Variants in RAI14 observed in about 807,000 individuals in gnomAD.
RAI14 encodes retinoic acid induced 14, also known as ankycorbin.
In RAI14, 45 loss-of-function variants were observed where a neutral mutation model predicts 115.4. The ratio of observed to expected loss-of-function variants is 0.39; its 90% CI spans 0.31 to 0.50. The LOEUF (loss-of-function observed/expected upper bound fraction) is 0.50. RAI14 is among the 20% of genes least tolerant of loss of function. The pLI is 0.85. For missense variants in RAI14, 939 were observed against 1,131.2 expected (o/e 0.83, Z 2.44); for synonymous variants, 371 against 415.4 (o/e 0.89, Z 1.30).
At chr5:34,723,349 C>G (rs974317514) in intron 2 of RAI14, among the ~76,000 whole-genome samples, 3 of 152,124 alleles carry the variant, frequency 2.0e-5, no homozygotes, top group African/African-American at 4.8e-5. Context: ...GGCAGCCTGA[C>G]AGGCTGGAGA....
chr5:34,799,408 G>C (rs1285440920), intron 4 of RAI14, among the ~76,000 whole-genome samples: 1 of 151,408 alleles, frequency 6.6e-6, no homozygotes. Context: ...CCTTCAATCT[G>C]AAGATCCAGT....
chr5:34,675,961 C>G (rs1447513631), intron 1 of RAI14, among the ~76,000 whole-genome samples: 1 of 152,232 alleles, frequency 6.6e-6, no homozygotes, highest in Non-Finnish European at 1.5e-5. Flanking sequence ...ACTTTTTCCA[C>G]AATTACAAAT....
intron 2 of RAI14, among the ~76,000 whole-genome samples, chr5:34,706,946 G>T (rs916554559): frequency 1.3e-5 from 2 of 152,102 alleles, no homozygotes; most frequent in Non-Finnish European, 2.9e-5. Context: ...GCCCTACCCC[G>T]CATCAAATTG....
chr5:34,784,628 A>G (rs2150172171), intron 3 of RAI14, among the ~76,000 whole-genome samples: 1 of 152,358 alleles, frequency 6.6e-6, no homozygotes, highest in East Asian at 1.9e-4. Context: ...ATGTGGAAGA[A>G]AAAACCATTC....
intron 13 of RAI14, among the ~76,000 whole-genome samples, chr5:34,821,116 T>C (rs1013794391): frequency 1.3e-5 from 2 of 152,188 alleles, no homozygotes; most frequent in Non-Finnish European, 2.9e-5. Flanking sequence ...AGCCAAATCA[T>C]AGAGGCCTGA....
chr5:34,780,751 A>G (rs1335718724), intron 3 of RAI14, among the ~76,000 whole-genome samples: 1 of 152,198 alleles, frequency 6.6e-6, no homozygotes, highest in African/African-American at 2.4e-5. Context: ...GAGAAACAGG[A>G]ACACTTTTAC....
chr5:34,717,531 A>AGAGCTTAAGGACAGC (rs1175109022), intron 2 of RAI14, among the ~76,000 whole-genome samples: 6 of 152,326 alleles, frequency 3.9e-5, no homozygotes, highest in Middle Eastern at 6.8e-3. Context: ...CAGTGATTCA[A>AGAGCTTAAGGACAGC]GAGCTTAAGG....
chr5:34,783,310 G>T (rs1327780181), intron 3 of RAI14, among the ~76,000 whole-genome samples: 1 of 152,136 alleles, frequency 6.6e-6, no homozygotes, highest in Non-Finnish European at 1.5e-5. Context: ...ATGACAGTTG[G>T]GGTCCTCCTC....
intron 3 of RAI14, among the ~76,000 whole-genome samples, chr5:34,773,229 C>T (rs1750416647): frequency 6.6e-6 from 1 of 151,890 alleles, no homozygotes; most frequent in Non-Finnish European, 1.5e-5. Flanking sequence ...GAAATTGGAC[C>T]CTCCTCTCTC....
At position 34,725,962 on chromosome 5, in the gene RAI14, C is replaced by CAAAAAAAAAAAAA. The variant is rs199657623; in HGVS notation, c.37-31502_37-31490dup. Among the ~76,000 whole-genome samples, 6 of 113,744 alleles carry CAAAAAAAAAAAAA rather than the reference C, an allele frequency of 5.3e-5. 2 individuals are homozygous for CAAAAAAAAAAAAA. Among genetic ancestry groups the CAAAAAAAAAAAAA allele is most frequent in the African/African-American group, 3.0e-5 (1 of 33,024 alleles). The allele number at this position is 113,744 out of a possible 152,430, so 74.6% of individuals were successfully genotyped here. A position where few individuals can be genotyped will look rare whatever the true frequency, so the allele number is the denominator to read the frequency against. On this transcript the variant is annotated intron_variant, in intron 2 of 17. Transcript: ENST00000265109. ...GGGCAACAGGAGCGAAACTGCTTCT[C>CAAAAAAAAAAAAA]AAAAAAAAAAAAAAAAGCCACAAAT...
Position 34,824,209 on chromosome 5 carries a change from T to A in RAI14, c.2367T>A (p.Tyr789Ter). The change falls in exon 15 of 18, where the codon TAT becomes TAA. Residue 789 changes from tyrosine (Y) to a stop codon, truncating the protein, a stop_gained. Coordinates refer to ENST00000265109, the MANE Select transcript of RAI14 (RefSeq NM_015577.3). LOFTEE classifies it high-confidence loss of function. ...MTDAMVPRSS[Y>*]EKLQSSLESE... is the part of the protein sequence containing the mutation. ...ATGCAATGGTACCTCGGTCTTCCTA[T>A]GAAAAACTCCAGTCATCCTTAGAGA... is the stretch of plus-strand genomic sequence containing the variant. The A allele has an allele frequency of 6.2e-7, 1 of 1,614,172 alleles. No homozygotes were observed. The highest frequency in any genetic ancestry group is 8.5e-7 in the Non-Finnish European group (1 of 1,180,024).
intron 2 of RAI14, among the ~76,000 whole-genome samples, chr5:34,705,845 C>G (rs1216320845): frequency 6.6e-6 from 1 of 152,154 alleles, no homozygotes; most frequent in Non-Finnish European, 1.5e-5. Context: ...TGGGGTTTCT[C>G]CATGTTGGTC....
intron 2 of RAI14, among the ~76,000 whole-genome samples, chr5:34,744,399 C>A (rs1158254828): frequency 6.6e-6 from 1 of 151,944 alleles, no homozygotes; most frequent in Non-Finnish European, 1.5e-5. Flanking sequence ...ACTGAGTTTT[C>A]TTTAGGTGTG....
chr5:34,773,552 G>A (rs1305538090), intron 3 of RAI14, among the ~76,000 whole-genome samples: 3 of 151,876 alleles, frequency 2.0e-5, no homozygotes, highest in Non-Finnish European at 4.4e-5. Flanking sequence ...CAAATAACTT[G>A]ACCATCAAAA....
intron 2 of RAI14, among the ~76,000 whole-genome samples, chr5:34,690,930 G>GA (rs1217918872): frequency 6.6e-6 from 1 of 152,118 alleles, no homozygotes; most frequent in Non-Finnish European, 1.5e-5. Context: ...AAACATATAG[G>GA]AAATAACTAG....
At chr5:34,824,533 C>CTA in intron 15 of RAI14, 42 bp downstream of exon 15, 2 of 1,448,782 alleles carry the variant, frequency 1.4e-6, no homozygotes, top group Non-Finnish European at 1.8e-6. Flanking sequence ...AGCAATAAGT[C>CTA]TTAGTCTCTT....
chr5:34,754,413 AT>A (rs1747599699), intron 2 of RAI14, among the ~76,000 whole-genome samples: 1 of 152,038 alleles, frequency 6.6e-6, no homozygotes, highest in Non-Finnish European at 1.5e-5. Flanking sequence ...AAAATTTTTT[AT>A]TTTTAGAGAT....
intron 2 of RAI14, among the ~76,000 whole-genome samples, chr5:34,693,267 A>G (rs996427862): frequency 6.6e-6 from 1 of 152,192 alleles, no homozygotes; most frequent in African/African-American, 2.4e-5. Context: ...ATGCCCTTCC[A>G]TCCTAGAACA....
At position 34,818,380 on chromosome 5, in the gene RAI14, A is replaced by C. The variant is rs147946770; in HGVS notation, c.940-417A>C. ...ATGATAAAGCTAAAAAATCTGCTTT[A>C]AAATATTTCAATCAATGTATAATGC... On this transcript the variant is annotated intron_variant, in intron 12 of 17. Coordinates refer to ENST00000265109, the MANE Select transcript of RAI14 (RefSeq NM_015577.3). Among the ~76,000 whole-genome samples the C allele has an allele frequency of 4.4e-3, 664 of 152,346 alleles. 8 individuals are homozygous for C. The highest frequency in any genetic ancestry group is 0.016 in the African/African-American group (646 of 41,584).
Sources: allele counts gnomAD v4.1 joint callset (sites outside exome capture counted in the v4.1 genomes callset), GRCh38; gene constraint gnomAD v4.1.1; transcripts MANE v1.5; gene names NCBI Gene and HGNC (gene_info 2026-07-23, HGNC 2026-07-21).